RASA1: variants seen among roughly 807,000 people sequenced by gnomAD.
RASA1 encodes the protein RAS p21 protein activator 1.
RASA1 carries 25 observed loss-of-function variants against 132.2 expected under a neutral mutation model. That is an observed-to-expected ratio of 0.19 (90% CI 0.14 to 0.26). The LOEUF (loss-of-function observed/expected upper bound fraction) is 0.26, where lower values mean the gene tolerates loss of function less well. Ranked by LOEUF, RASA1 falls within the 10% of genes least tolerant of loss-of-function variation. The pLI is 1.00. For synonymous variants in RASA1, 477 were observed against 449.9 expected (o/e 1.06, Z -0.76); for missense variants, 964 against 1,299.2 (o/e 0.74, Z 3.97).
intron 1 of RASA1, among the ~76,000 whole-genome samples, chr5:87,320,964 T>G (rs936606778): frequency 8.5e-5 from 13 of 152,216 alleles, no homozygotes; most frequent in Non-Finnish European, 1.8e-4. Flanking sequence ...GTGAATAGTT[T>G]GTGCTTTATT....
In RASA1 at chr5:87,268,408, G is replaced by T; in HGVS notation, c.-44G>T. 1.3e-6 allele frequency: 2 copies of T among 1,487,122 alleles called. No homozygotes were observed. Among genetic ancestry groups the T allele is most frequent in the South Asian group, 1.3e-5 (1 of 74,158 alleles). 92.1% of individuals were successfully genotyped at this position (1,487,122 alleles called of 1,614,324 possible). On this transcript the variant is annotated 5_prime_UTR_variant, in exon 1 of 25. Coordinates refer to ENST00000274376, the MANE Select transcript of RASA1 (RefSeq NM_002890.3). ...GAGCCCGGGCCTGGTGGCCCCTGGG[G>T]CTCCCGGGCGGGCAGGGTAGGGCAG...
At chr5:87,273,700 C>CTTTTTT (rs539277152) in intron 1 of RASA1, among the ~76,000 whole-genome samples, 18 of 138,374 alleles carry the variant, frequency 1.3e-4, no homozygotes, top group East Asian at 4.1e-4. Flanking sequence ...TTTTCTTTTT[C>CTTTTTT]TTTTTTTTTT....
At chr5:87,380,706 A>G (rs978924283) in intron 20 of RASA1, 111 bp downstream of exon 20, 2 of 1,017,624 alleles carry the variant, frequency 2.0e-6, no homozygotes, top group Non-Finnish European at 3.0e-6. Flanking sequence ...CTTTTATGTC[A>G]AAGCCCTGTT....
At chr5:87,314,004 C>G (rs1166262528) in intron 1 of RASA1, among the ~76,000 whole-genome samples, 1 of 151,582 alleles carries the variant, frequency 6.6e-6, no homozygotes, top group Non-Finnish European at 1.5e-5. Context: ...CCTGTCTCTA[C>G]TAAAAATACA....
chr5:87,330,637 G>A (rs1408081327), intron 1 of RASA1, among the ~76,000 whole-genome samples: 1 of 152,144 alleles, frequency 6.6e-6, no homozygotes, highest in Admixed American at 6.5e-5. Context: ...TAGAGTTACA[G>A]CCAGTTTCTT....
chr5:87,269,239 A>T (rs1282612173), intron 1 of RASA1: 2 of 1,546,922 alleles, frequency 1.3e-6, no homozygotes, highest in African/African-American at 2.7e-5. Context: ...GCATGAGAAA[A>T]TGTGTATCTA....
chr5:87,289,094 A>C (rs765367473), intron 1 of RASA1, among the ~76,000 whole-genome samples: 1 of 152,124 alleles, frequency 6.6e-6, no homozygotes, highest in African/African-American at 2.4e-5. Context: ...AATCTAGAAC[A>C]GTCCTTTTTG....
chr5:87,317,926 G>A (rs1172646785), intron 1 of RASA1, among the ~76,000 whole-genome samples: 6 of 151,974 alleles, frequency 3.9e-5, no homozygotes, highest in South Asian at 4.1e-4. Flanking sequence ...TTGAGCCACC[G>A]CGCCCAGCCG....
intron 1 of RASA1, among the ~76,000 whole-genome samples, chr5:87,285,612 CTTTTTCTTTTTT>C (rs1046098736): frequency 7.2e-6 from 1 of 139,282 alleles, no homozygotes; most frequent in African/African-American, 2.7e-5. Flanking sequence ...GTCTCTTTTT[CTTTTTCTTTTTT>C]TTTTTTTTTT....
At chr5:87,325,803 A>T (rs1757189574) in intron 1 of RASA1, among the ~76,000 whole-genome samples, 1 of 152,350 alleles carries the variant, frequency 6.6e-6, no homozygotes, top group South Asian at 2.1e-4. Context: ...AGTTAGTTGT[A>T]AATAATTGTA....
intron 10 of RASA1, 85 bp from the exon 11 acceptor site, chr5:87,363,263 C>G: frequency 8.2e-7 from 1 of 1,222,670 alleles, no homozygotes; most frequent in South Asian, 1.3e-5. Flanking sequence ...TTGATTGATT[C>G]ATATTTTTAG....
At chr5:87,324,023 A>G (rs932600555) in intron 1 of RASA1, among the ~76,000 whole-genome samples, 2 of 152,152 alleles carry the variant, frequency 1.3e-5, no homozygotes, top group East Asian at 3.8e-4. Flanking sequence ...CATGTAGCAC[A>G]ATGCTTGGCA....
At chr5:87,360,269 G>GGCAC (rs1759983790) in intron 9 of RASA1, among the ~76,000 whole-genome samples, 1 of 151,994 alleles carries the variant, frequency 6.6e-6, no homozygotes, top group East Asian at 1.9e-4. Flanking sequence ...TGGAATTACA[G>GGCAC]GCACGCGCCA....
At chr5:87,286,622 T>A (rs886988384) in intron 1 of RASA1, among the ~76,000 whole-genome samples, 1 of 152,062 alleles carries the variant, frequency 6.6e-6, no homozygotes, top group Non-Finnish European at 1.5e-5. Flanking sequence ...TAAATTGAAT[T>A]TGAAACTCCC....
At chr5:87,355,939 G>A (rs1759616324) in intron 9 of RASA1, among the ~76,000 whole-genome samples, 3 of 152,202 alleles carry the variant, frequency 2.0e-5, no homozygotes, top group South Asian at 4.1e-4. Context: ...TGGAAGTGGA[G>A]CTTGAAGATG....
At chr5:87,359,984 T>C (rs182633287) in intron 9 of RASA1, among the ~76,000 whole-genome samples, 10 of 152,320 alleles carry the variant, frequency 6.6e-5, no homozygotes, top group Admixed American at 5.9e-4. Context: ...AGATTTGAAA[T>C]CAGATACTTG....
intron 20 of RASA1, among the ~76,000 whole-genome samples, chr5:87,383,290 A>G (rs1351186616): frequency 3.3e-5 from 5 of 152,140 alleles, no homozygotes; most frequent in African/African-American, 1.2e-4. Context: ...AAGTTCTAAA[A>G]TTGTACAGAA....
Position 87,325,432 on chromosome 5 carries a change from A to G in RASA1, c.540-5916A>G, listed in dbSNP as rs438457. On this transcript the variant is annotated intron_variant, in intron 1 of 24. Transcript: ENST00000274376. Reference sequence around the variant, plus strand: ...AAGATTTTTATGTTTTAGCAAATGCATACCAACTTGAAATCACCAATTTAG... The same window carrying G: ...AAGATTTTTATGTTTTAGCAAATGCGTACCAACTTGAAATCACCAATTTAG... 5.2e-5 allele frequency among the ~76,000 whole-genome samples: 8 copies of G among 152,384 alleles called. No homozygotes were observed. The South Asian group carries it at 1.0e-3, about 20-fold the overall frequency.
At chr5:87,272,733 C>T (rs991091142) in intron 1 of RASA1, among the ~76,000 whole-genome samples, 17 of 151,988 alleles carry the variant, frequency 1.1e-4, no homozygotes, top group Admixed American at 9.8e-4. Flanking sequence ...TTTTGAACTC[C>T]AAATCAAGCC....
Sources: allele counts gnomAD v4.1 joint callset (sites outside exome capture counted in the v4.1 genomes callset), GRCh38; gene constraint gnomAD v4.1.1; transcripts MANE v1.5; gene names NCBI Gene and HGNC (gene_info 2026-07-23, HGNC 2026-07-21).